Variants in CCDC178 observed in about 807,000 individuals in gnomAD.
The protein encoded by CCDC178 is coiled-coil domain-containing protein 178.
In CCDC178, 126 loss-of-function variants were observed where a neutral mutation model predicts 117.4. The ratio of observed to expected loss-of-function variants is 1.07; its 90% CI spans 0.93 to 1.24. The LOEUF is 1.24. Ranked by LOEUF, CCDC178 falls within the 50% of genes most tolerant of loss-of-function variation. CCDC178 has a pLI of 0.00. For missense variants in CCDC178, 1,030 were observed against 986.9 expected (o/e 1.04, Z -0.59); for synonymous variants, 283 against 313.4 (o/e 0.90, Z 1.02).
At chr18:33,118,486 C>A (rs549205665) in intron 20 of CCDC178, among the ~76,000 whole-genome samples, 1 of 151,704 alleles carries the variant, frequency 6.6e-6, no homozygotes, top group African/African-American at 2.4e-5. Flanking sequence ...GGCCCAAGAA[C>A]CAAAGAAAGA....
chr18:32,954,893 T>C (rs1415382134), intron 22 of CCDC178, among the ~76,000 whole-genome samples: 2 of 152,138 alleles, frequency 1.3e-5, no homozygotes, highest in East Asian at 1.9e-4. Context: ...GAAATATCTA[T>C]GTTAGAAACT....
chr18:33,101,667 A>G (rs2057629833), intron 20 of CCDC178, among the ~76,000 whole-genome samples: 1 of 151,964 alleles, frequency 6.6e-6, no homozygotes, highest in Non-Finnish European at 1.5e-5. Flanking sequence ...AAAAACAGTT[A>G]AGGAATTATG....
rs2059432662 is a variant in CCDC178, at chr18:33,236,978, T to C, written c.1593+8267A>G. Among the ~76,000 whole-genome samples the C allele has an allele frequency of 2.0e-5, 3 of 152,192 alleles. No individual in the cohort carries two copies. The South Asian group carries it at 6.2e-4, about 32-fold the overall frequency. On this transcript the variant is annotated intron_variant, in intron 15 of 22. Coordinates refer to ENST00000383096, the MANE Select transcript of CCDC178 (RefSeq NM_001105528.4). ...GTCCTCATAAGCCCTGAGCCCAGTT[T>C]GGAGAGCTGCTGAAAATTTATACTG...
chr18:33,103,168 G>A (rs551164137), intron 20 of CCDC178, among the ~76,000 whole-genome samples: 6 of 151,852 alleles, frequency 4.0e-5, no homozygotes, highest in African/African-American at 1.4e-4. Context: ...TGAGAATCAT[G>A]GTGGGAGGCA....
At chr18:33,138,886 C>T (rs2058161353) in intron 20 of CCDC178, among the ~76,000 whole-genome samples, 1 of 152,126 alleles carries the variant, frequency 6.6e-6, no homozygotes, top group South Asian at 2.1e-4. Context: ...ATAGGAGATA[C>T]TGAAAACTTT....
intron 21 of CCDC178, among the ~76,000 whole-genome samples, chr18:33,049,268 TAAC>T (rs1187080506): frequency 2.0e-5 from 3 of 152,112 alleles, no homozygotes; most frequent in Non-Finnish European, 1.5e-5. Flanking sequence ...GAAACTATAA[TAAC>T]TTATAAAGAT....
At position 33,389,586 on chromosome 18, in the gene CCDC178, CT is replaced by C; in HGVS notation, c.161del (p.Lys54ArgfsTer12). ...TTTCATGAAAACCTTCACTGTTCTC[CT>C]TAGAGGCTCCATATAGAACCAAACT... ...SQSLVLYGAS[K>X]ENSEGFHESK... On this transcript the variant is annotated frameshift_variant, in exon 5 of 23. Coordinates refer to ENST00000383096, the MANE Select transcript of CCDC178 (RefSeq NM_001105528.4). LOFTEE classifies it high-confidence loss of function. 6.6e-7 allele frequency: 1 copy of C among 1,526,666 alleles called. No individual in the cohort carries two copies. Among genetic ancestry groups the C allele is most frequent in the Admixed American group, 2.1e-5 (1 of 48,600 alleles). The allele number at this position is 1,526,666 out of a possible 1,614,324, so 94.6% of individuals were successfully genotyped here.
chr18:33,166,862 GATT>G (rs1452882640), intron 20 of CCDC178, among the ~76,000 whole-genome samples: 1 of 152,130 alleles, frequency 6.6e-6, no homozygotes, highest in Non-Finnish European at 1.5e-5. Flanking sequence ...TTGATGAAGA[GATT>G]ATTTTGTTAC....
intron 14 of CCDC178, among the ~76,000 whole-genome samples, chr18:33,246,742 T>G (rs1443777853): frequency 2.6e-5 from 4 of 151,690 alleles, no homozygotes; most frequent in African/African-American, 9.7e-5. Flanking sequence ...GCATGAGCTG[T>G]GCTTGATGTG....
intron 15 of CCDC178, among the ~76,000 whole-genome samples, chr18:33,227,134 G>C (rs549340060): frequency 2.6e-5 from 4 of 151,944 alleles, no homozygotes; most frequent in Non-Finnish European, 5.9e-5. Flanking sequence ...AGTGAAACAA[G>C]GTAGTCATCA....
intron 5 of CCDC178, among the ~76,000 whole-genome samples, chr18:33,388,430 C>T (rs907508367): frequency 2.6e-5 from 4 of 151,160 alleles, no homozygotes; most frequent in Non-Finnish European, 5.9e-5. Flanking sequence ...CAGTGCAGCA[C>T]TATTCACAAT....
chr18:33,044,190 A>C (rs544569717), intron 21 of CCDC178, among the ~76,000 whole-genome samples: 1 of 152,176 alleles, frequency 6.6e-6, no homozygotes, highest in East Asian at 1.9e-4. Flanking sequence ...CATTTAAGCA[A>C]GGAGATTAAA....
At position 33,267,272 on chromosome 18, in the gene CCDC178, T is replaced by G; in HGVS notation, c.1202A>C (p.Asp401Ala). 6.2e-7 allele frequency: 1 copy of G among 1,600,596 alleles called. No homozygotes were observed. Among genetic ancestry groups the G allele is most frequent in the Non-Finnish European group, 8.5e-7 (1 of 1,175,510 alleles). Reference sequence around the variant, plus strand: ...ACTTTTTTGCTTCCAGGTTAGTTGGTCATAAACTCTTCTCAAATCTTCCAG... The same window carrying G: ...ACTTTTTTGCTTCCAGGTTAGTTGGGCATAAACTCTTCTCAAATCTTCCAG... Reference protein sequence around the residue: ...KMLEDLRRVYDQLTWKQKSHE... With the variant: ...KMLEDLRRVYAQLTWKQKSHE... The change falls in exon 13 of 23, where the codon GAC becomes GCC. Residue 401 changes from aspartate to alanine, a missense_variant. Asp to Ala is a moderately radical substitution (Grantham distance 126, BLOSUM62 -2). Transcript: ENST00000383096.
intron 20 of CCDC178, among the ~76,000 whole-genome samples, chr18:33,103,959 C>CT (rs767308726): frequency 2.5e-4 from 38 of 151,718 alleles, no homozygotes; most frequent in Non-Finnish European, 4.6e-4. Context: ...ACAGAATGAA[C>CT]TTTAAAATAT....
chr18:33,257,088 T>G (rs1327481595), intron 14 of CCDC178, among the ~76,000 whole-genome samples: 1 of 152,122 alleles, frequency 6.6e-6, no homozygotes, highest in African/African-American at 2.4e-5. Flanking sequence ...TAAGTTCATT[T>G]TTAAAAGCCT....
At chr18:33,178,180 C>T (rs191690887) in intron 20 of CCDC178, among the ~76,000 whole-genome samples, 21 of 152,186 alleles carry the variant, frequency 1.4e-4, no homozygotes, top group African/African-American at 4.3e-4. Flanking sequence ...ATCCCCTCTC[C>T]GTCACAGGTG....
intron 2 of CCDC178, among the ~76,000 whole-genome samples, chr18:33,420,745 T>C (rs2064013413): frequency 2.0e-5 from 3 of 151,974 alleles, no homozygotes; most frequent in African/African-American, 7.3e-5. Flanking sequence ...AACACACAAT[T>C]TATATGACAA....
At chr18:33,217,563 T>C (rs1365080956) in intron 18 of CCDC178, among the ~76,000 whole-genome samples, 2 of 151,962 alleles carry the variant, frequency 1.3e-5, no homozygotes, top group African/African-American at 4.8e-5. Flanking sequence ...TTATTGGTAA[T>C]GTCAAAATAC....
At chr18:33,041,064 G>T (rs1470885443) in intron 21 of CCDC178, among the ~76,000 whole-genome samples, 1 of 151,800 alleles carries the variant, frequency 6.6e-6, no homozygotes, top group Admixed American at 6.6e-5. Context: ...CAAGTGAAAG[G>T]ATATTATTTT....
Sources: gnomAD v4.1 joint callset for allele counts (sites outside exome capture counted in the v4.1 genomes callset) on GRCh38, gnomAD v4.1.1 for gene constraint, MANE v1.5 for transcripts, NCBI Gene and HGNC (gene_info 2026-07-23, HGNC 2026-07-21) for gene names.